PLSCR5: variants seen among roughly 807,000 people sequenced by gnomAD.
PLSCR5 encodes the protein phospholipid scramblase family, member 5.
In PLSCR5, 44 loss-of-function variants were observed where a neutral mutation model predicts 33.6. That is an observed-to-expected ratio of 1.31 (90% CI 1.03 to 1.69). The LOEUF is 1.69. Ranked by LOEUF, PLSCR5 falls within the 40% of genes most tolerant of loss-of-function variation. PLSCR5 has a pLI of 0.00. For synonymous variants in PLSCR5, 148 were observed against 112.3 expected (o/e 1.32, Z -2.01); for missense variants, 375 against 318.7 (o/e 1.18, Z -1.34).
chr3:146,598,688 C>A (rs2044783905), intron 2 of PLSCR5, among the ~76,000 whole-genome samples: 1 of 152,194 alleles, frequency 6.6e-6, no homozygotes, highest in South Asian at 2.1e-4. Context: ...TGGTATATCA[C>A]TTTTATACTT....
At position 146,578,981 on chromosome 3, in the gene PLSCR5, T is replaced by A. The variant is rs964158865; in HGVS notation, c.*45-2256A>T. 6.6e-5 allele frequency among the ~76,000 whole-genome samples: 10 copies of A among 151,880 alleles called. No homozygotes were observed. In the East Asian group the frequency reaches 1.2e-3, roughly 18 times the overall value. On this transcript the variant is annotated intron_variant, in intron 7 of 7. Transcript: ENST00000482567. ...TCTTTAACAAGATTTTTAATGAAAATTTTTTTCTTTTTAAAATATATTATA... is the reference window on the plus strand; with the variant it reads ...TCTTTAACAAGATTTTTAATGAAAAATTTTTTCTTTTTAAAATATATTATA...
At chr3:146,597,196 CCTCT>C (rs2044768623) in intron 2 of PLSCR5, among the ~76,000 whole-genome samples, 1 of 152,002 alleles carries the variant, frequency 6.6e-6, no homozygotes, top group Admixed American at 6.6e-5. Context: ...AAAAGTAGTA[CCTCT>C]CTAATATCCA....
chr3:146,596,825 T>C, intron 2 of PLSCR5, among the ~76,000 whole-genome samples: 1 of 152,196 alleles, frequency 6.6e-6, no homozygotes, highest in Admixed American at 6.5e-5. Context: ...TAAAATAATA[T>C]GTGTGGCCTC....
intron 1 of PLSCR5, among the ~76,000 whole-genome samples, chr3:146,602,258 A>T (rs775120887): frequency 1.3e-5 from 2 of 152,168 alleles, no homozygotes; most frequent in African/African-American, 2.4e-5. Flanking sequence ...ACTATGTAAC[A>T]CTATGTCAGA....
At chr3:146,589,283 T>C (rs114435615) in intron 6 of PLSCR5, among the ~76,000 whole-genome samples, 1,696 of 152,298 alleles carry the variant, frequency 0.011, 30 homozygotes, top group African/African-American at 0.039. Context: ...TGAACCAGTC[T>C]GGAACTTTAT....
downstream of PLSCR5, among the ~76,000 whole-genome samples, chr3:146,584,595 C>A (rs1001795816): frequency 6.6e-6 from 1 of 152,052 alleles, no homozygotes; most frequent in African/African-American, 2.4e-5. Context: ...TCGATTGAGG[C>A]AATGTATATT....
chr3:146,595,241 C>T (rs549584050), intron 2 of PLSCR5, among the ~76,000 whole-genome samples, 158 bp from the exon 3 acceptor site: 162 of 151,298 alleles, frequency 1.1e-3, no homozygotes, highest in Non-Finnish European at 1.8e-3. Context: ...TTTTACAATG[C>T]AAAAGAACGT....
chr3:146,605,332 T>C lies in PLSCR5; in HGVS notation c.-120A>G. 6.4e-6 allele frequency: 10 copies of C among 1,561,680 alleles called. No individual in the cohort carries two copies. Among genetic ancestry groups the C allele is most frequent in the Non-Finnish European group, 8.7e-6 (10 of 1,153,106 alleles). ...CTTCAGAACGTGTTTGTCTGCCTCT[T>C]GTCAGCTTACATATAACAGAGGAAG... On this transcript the variant is annotated 5_prime_UTR_variant, in exon 1 of 8. Coordinates refer to ENST00000443512, the MANE Select transcript of PLSCR5 (RefSeq NM_001085420.2).
intron 2 of PLSCR5, among the ~76,000 whole-genome samples, chr3:146,596,035 T>C (rs2044757910): frequency 1.3e-5 from 2 of 152,192 alleles, no homozygotes; most frequent in South Asian, 4.1e-4. Context: ...ATTACAAGAT[T>C]TGACTTATGT....
chr3:146,588,700 C>T lies in PLSCR5; in HGVS notation c.777+953G>A, dbSNP rs376176898. ...CATCATTATGCAAATCAGTGCAAAC[C>T]GAATAAAGTCTGTAGATTAGATAAT... On this transcript the variant is annotated intron_variant, in intron 6 of 7. Transcript: ENST00000443512. Among the ~76,000 whole-genome samples the T allele has an allele frequency of 9.2e-5, 14 of 152,070 alleles. No individual in the cohort carries two copies. The East Asian group carries it at 2.7e-3, about 29-fold the overall frequency.
downstream of PLSCR5, among the ~76,000 whole-genome samples, chr3:146,585,493 A>C (rs964018298): frequency 3.9e-5 from 6 of 152,094 alleles, no homozygotes; most frequent in East Asian, 1.2e-3. Flanking sequence ...TCATCTTTAG[A>C]TATATTATTT....
rs191174316 is a variant in PLSCR5 at position 146,577,832 on chromosome 3, T to A, written c.*45-1107A>T. 2.0e-4 allele frequency among the ~76,000 whole-genome samples: 31 copies of A among 152,276 alleles called. 1 individual carries two copies. The East Asian group carries it at 6.0e-3, about 29-fold the overall frequency. On this transcript the variant is annotated intron_variant, in intron 7 of 7. Coordinates refer to the PLSCR5 transcript ENST00000482567. The stretch of plus-strand genomic sequence containing the variant: ...GAAATTTGTATTTTCAAGATTCTGC[T>A]GGTGTAGCTAAGCAATGCCATCATA...
intron 7 of PLSCR5, among the ~76,000 whole-genome samples, chr3:146,577,723 T>G (rs76484621): frequency 0.014 from 2,182 of 152,212 alleles, 57 homozygotes; most frequent in African/African-American, 0.051. Flanking sequence ...ATTAAAAACA[T>G]AACATCAAAT....
intron 1 of PLSCR5, among the ~76,000 whole-genome samples, chr3:146,603,827 G>T (rs1351297087): frequency 6.6e-6 from 1 of 150,758 alleles, no homozygotes; most frequent in Non-Finnish European, 1.5e-5. Context: ...GGAAATATTT[G>T]TCAAGGTTTT....
chr3:146,588,346 C>A (rs2044681840), intron 6 of PLSCR5, among the ~76,000 whole-genome samples: 1 of 152,096 alleles, frequency 6.6e-6, no homozygotes, highest in African/African-American at 2.4e-5. Context: ...TGGCACATGC[C>A]TGTAATCCCA....
intron 1 of PLSCR5, among the ~76,000 whole-genome samples, chr3:146,602,653 A>G (rs1308916620): frequency 2.0e-5 from 3 of 152,090 alleles, no homozygotes; most frequent in Non-Finnish European, 4.4e-5. Flanking sequence ...AATTTCTAAC[A>G]ATAGCTAGTA....
At chr3:146,583,155 A>T (rs557917304), downstream of PLSCR5, among the ~76,000 whole-genome samples, 2 of 152,144 alleles carry the variant, frequency 1.3e-5, no homozygotes, top group Non-Finnish European at 2.9e-5. Flanking sequence ...TCAAATTGCC[A>T]TATCTTAGCA....
chr3:146,591,681 G>T, intron 5 of PLSCR5, 39 bp downstream of exon 5: 1 of 1,563,998 alleles, frequency 6.4e-7, no homozygotes, highest in South Asian at 1.2e-5. Flanking sequence ...AAAAAAATCA[G>T]GACCTAAATG....
chr3:146,602,868 A>C (rs1263847384), intron 1 of PLSCR5, among the ~76,000 whole-genome samples: 1 of 152,112 alleles, frequency 6.6e-6, no homozygotes, highest in Admixed American at 6.6e-5. Flanking sequence ...CTTGGAGCTC[A>C]GAGGATATTG....
Sources: gnomAD v4.1 joint callset for allele counts (sites outside exome capture counted in the v4.1 genomes callset) on GRCh38, gnomAD v4.1.1 for gene constraint, MANE v1.5 for transcripts, NCBI Gene and HGNC (gene_info 2026-07-23, HGNC 2026-07-21) for gene names.